The following KCNIP4 variants were observed in gnomAD, a reference collection of about 807,000 sequenced individuals.
The protein encoded by KCNIP4 is Kv channel-interacting protein 4.
In KCNIP4, 12 loss-of-function variants were observed where a neutral mutation model predicts 34.0. The ratio of observed to expected loss-of-function variants is 0.35; its 90% CI spans 0.23 to 0.57. The LOEUF is 0.57. Ranked by LOEUF, KCNIP4 falls within the 20% of genes least tolerant of loss-of-function variation. The pLI is 0.83. For synonymous variants in KCNIP4, 124 were observed against 102.2 expected, an observed-to-expected ratio of 1.21 and a Z score of -1.29; for missense variants, 238 against 311.7, an observed-to-expected ratio of 0.76 and a Z score of 1.78.
chr4:20,882,376 A>C (rs1724790667), intron 2 of KCNIP4, among the ~76,000 whole-genome samples: 1 of 152,124 alleles, frequency 6.6e-6, no homozygotes. Context: ...AAAATGTCCC[A>C]GTGTTTTGCA....
intron 2 of KCNIP4, among the ~76,000 whole-genome samples, chr4:20,868,480 A>G (rs938640072): frequency 1.3e-5 from 2 of 152,110 alleles, no homozygotes; most frequent in Admixed American, 1.3e-4. Flanking sequence ...CAGCAATCAC[A>G]TTACTGGGTA....
intron 1 of KCNIP4, among the ~76,000 whole-genome samples, chr4:21,920,936 C>T (rs1210148499): frequency 6.6e-6 from 1 of 152,144 alleles, no homozygotes; most frequent in East Asian, 1.9e-4. Flanking sequence ...AATCTTTTCA[C>T]ATCCTACAGA....
chr4:21,872,182 AG>A (rs1176866775), intron 1 of KCNIP4, among the ~76,000 whole-genome samples: 9 of 152,036 alleles, frequency 5.9e-5, no homozygotes, highest in Non-Finnish European at 1.5e-5. Flanking sequence ...TGACTACAAA[AG>A]GTTGATATTG....
intron 5 of KCNIP4, 115 bp downstream of exon 5, chr4:20,749,547 T>G (rs1243757533): frequency 1.2e-5 from 7 of 601,478 alleles, no homozygotes; most frequent in Non-Finnish European, 2.0e-5. Context: ...AGAAAGGGAG[T>G]GTCCTTGGGC....
intron 2 of KCNIP4, among the ~76,000 whole-genome samples, chr4:20,879,032 A>AGAGT: frequency 6.6e-6 from 1 of 152,254 alleles, no homozygotes; most frequent in Non-Finnish European, 1.5e-5. Context: ...TAAGACGCTC[A>AGAGT]GAGTGAGTGC....
intron 1 of KCNIP4, among the ~76,000 whole-genome samples, chr4:21,197,901 A>C (rs1025174862): frequency 1.3e-5 from 2 of 152,194 alleles, no homozygotes; most frequent in African/African-American, 4.8e-5. Flanking sequence ...CTTGAGTTTC[A>C]GTAATAAGTC....
At chr4:20,786,069 T>C (rs540364013) in intron 3 of KCNIP4, among the ~76,000 whole-genome samples, 2 of 152,230 alleles carry the variant, frequency 1.3e-5, no homozygotes, top group East Asian at 3.9e-4. Context: ...CAATGGTGAA[T>C]TGGGTAAAGA....
intron 1 of KCNIP4, among the ~76,000 whole-genome samples, chr4:20,894,948 T>C (rs1726343170): frequency 6.6e-6 from 1 of 152,232 alleles, no homozygotes; most frequent in Admixed American, 6.5e-5. Context: ...TCATATTATT[T>C]AACCTTCACA....
chr4:21,507,879 C>CCATGAAGTTTTAAAATTT (rs1400343677), intron 1 of KCNIP4, among the ~76,000 whole-genome samples: 3 of 152,094 alleles, frequency 2.0e-5, no homozygotes, highest in Non-Finnish European at 4.4e-5. Flanking sequence ...ATGTGCAAGA[C>CCATGAAGTTTTAAAATTT]CATGAAGTTT....
At chr4:21,861,388 C>A (rs576738598) in intron 1 of KCNIP4, among the ~76,000 whole-genome samples, 1 of 152,138 alleles carries the variant, frequency 6.6e-6, no homozygotes, top group Non-Finnish European at 1.5e-5. Flanking sequence ...TCAGCTCAAG[C>A]TTTAAAAATA....
chr4:21,416,540 G>T (rs1577328246), intron 1 of KCNIP4, among the ~76,000 whole-genome samples: 1 of 152,208 alleles, frequency 6.6e-6, no homozygotes, highest in Admixed American at 6.5e-5. Flanking sequence ...GTCTATTTTG[G>T]TCTTCTTCAT....
chr4:21,295,596 T>C (rs931895717), intron 1 of KCNIP4, among the ~76,000 whole-genome samples: 1 of 152,082 alleles, frequency 6.6e-6, no homozygotes, highest in African/African-American at 2.4e-5. Flanking sequence ...GAGTCTCTTG[T>C]ATGTGGCGGT....
chr4:21,202,543 T>C (rs73109425), intron 1 of KCNIP4, among the ~76,000 whole-genome samples: 4,393 of 152,208 alleles, frequency 0.029, 209 homozygotes, highest in African/African-American at 0.1. Flanking sequence ...GCAATATACC[T>C]TTGTAACAAA....
chr4:21,822,390 C>G (rs890955440), intron 1 of KCNIP4, among the ~76,000 whole-genome samples: 2 of 152,166 alleles, frequency 1.3e-5, no homozygotes, highest in African/African-American at 4.8e-5. Flanking sequence ...AATCCAGAGT[C>G]TCAACCCAAT....
chr4:21,714,819 AT>A (rs1306227714), intron 1 of KCNIP4, among the ~76,000 whole-genome samples: 10 of 648 alleles, frequency 0.015, 1 homozygote, highest in Admixed American at 0.031. Flanking sequence ...ATTTTATTTT[AT>A]TTTATTTTAT....
chr4:21,614,475 T>TATATATATATAAGTATTTATATATATA (rs1219159771), intron 1 of KCNIP4, among the ~76,000 whole-genome samples: 6 of 147,932 alleles, frequency 4.1e-5, no homozygotes, highest in Non-Finnish European at 8.9e-5. Flanking sequence ...AATATTGAGC[T>TATATATATATAAGTATTTATATATATA]ATATATATAT....
intron 1 of KCNIP4, among the ~76,000 whole-genome samples, chr4:21,508,408 C>T (rs891901021): frequency 6.6e-6 from 1 of 152,158 alleles, no homozygotes; most frequent in Non-Finnish European, 1.5e-5. Context: ...TATTATGTTA[C>T]AAAGCTTCTG....
intron 1 of KCNIP4, among the ~76,000 whole-genome samples, chr4:21,065,747 TATATATATATATATATATAA>T (rs1291715553): frequency 1.4e-5 from 2 of 142,882 alleles, no homozygotes; most frequent in African/African-American, 2.6e-5. Flanking sequence ...TATATATATA[TATATATATATATATATATAA>T]CTCAATTTTA....
At chr4:21,385,046 T>A (rs1208802688) in intron 1 of KCNIP4, among the ~76,000 whole-genome samples, 1 of 152,202 alleles carries the variant, frequency 6.6e-6, no homozygotes, top group Admixed American at 6.5e-5. Context: ...TCCTGGGGCT[T>A]TGTCAATACA....
Sources: allele counts gnomAD v4.1 joint callset (sites outside exome capture counted in the v4.1 genomes callset), GRCh38; gene constraint gnomAD v4.1.1; transcripts MANE v1.5; gene names NCBI Gene and HGNC (gene_info 2026-07-23, HGNC 2026-07-21).